Variants in ST18 observed in about 807,000 individuals in gnomAD.
ST18 encodes ST18 C2H2C-type zinc finger transcription factor.
A neutral mutation model predicts 110.0 loss-of-function variants in ST18; 50 were observed. That is an observed-to-expected ratio of 0.45 (90% confidence interval 0.36 to 0.58). ST18 has a LOEUF of 0.58. ST18 is among the 20% of genes least tolerant of loss of function. The probability of loss-of-function intolerance (pLI) is 0.00; values close to 1 mark genes in which losing one functional copy is unlikely to be tolerated. For synonymous variants in ST18, 461 were observed against 452.4 expected (o/e 1.02, Z -0.24); for missense variants, 1,306 against 1,280.1 (o/e 1.02, Z -0.31).
chr8:52,179,105 G>GA (rs1043339456), intron 9 of ST18, among the ~76,000 whole-genome samples: 2 of 152,012 alleles, frequency 1.3e-5, no homozygotes, highest in African/African-American at 2.4e-5. Flanking sequence ...TTCACATTCA[G>GA]AAAAAAATCA....
intron 2 of ST18, among the ~76,000 whole-genome samples, chr8:52,234,695 G>T (rs13439223): frequency 0.018 from 2,679 of 151,396 alleles, 76 homozygotes; most frequent in African/African-American, 0.062. Context: ...CAACCCAAAT[G>T]TCCATCAATC....
At chr8:52,250,445 C>CAAAAAAGAA (rs2094203030) in intron 2 of ST18, among the ~76,000 whole-genome samples, 1 of 4,270 alleles carries the variant, frequency 2.3e-4, no homozygotes, top group African/African-American at 9.8e-4. Context: ...GCCTCAAAGG[C>CAAAAAAGAA]AAAAAAAAAA....
At chr8:52,273,032 T>G (rs953635145) in intron 2 of ST18, among the ~76,000 whole-genome samples, 44 of 152,194 alleles carry the variant, frequency 2.9e-4, no homozygotes, top group African/African-American at 8.4e-4. Context: ...TAAAAATCTG[T>G]TAAGAGAGCA....
Position 52,330,743 on chromosome 8 carries a change from T to C in ST18, c.-465+78585A>G, listed in dbSNP as rs560991966. ...TGGGCAGGAAGTGCACAGCCTGCCT[T>C]TACCTTACGTGAACACTGTGTCTGG... On this transcript the variant is annotated intron_variant, in intron 2 of 25. Coordinates refer to ENST00000689386, the MANE Select transcript of ST18 (RefSeq NM_001352837.2). Among the ~76,000 whole-genome samples, 5 of 152,332 alleles carry C rather than the reference T, an allele frequency of 3.3e-5. No homozygotes were observed. The South Asian group carries it at 1.0e-3, about 32-fold the overall frequency.
At chr8:52,383,689 C>T (rs1835475404) in intron 2 of ST18, among the ~76,000 whole-genome samples, 1 of 152,294 alleles carries the variant, frequency 6.6e-6, no homozygotes, top group East Asian at 1.9e-4. Context: ...CCTCGTGATC[C>T]ACCCGCCTTG....
In ST18 at chr8:52,136,528, A is replaced by G. The variant is rs1368984872; in HGVS notation, c.2300+62T>C. 1.0e-5 allele frequency: 15 copies of G among 1,496,616 alleles called. No homozygotes were observed. In the East Asian group the frequency reaches 3.5e-4, roughly 35 times the overall value. The allele number at this position is 1,496,616 out of a possible 1,614,324, so 92.7% of individuals were successfully genotyped here. ...CTGATCACTTGGGCAATGAATGGGC[A>G]CTGAACGAGAGGGTCCTACCGTGTG... is the stretch of plus-strand genomic sequence containing the variant. On this transcript the variant is annotated intron_variant, in intron 19 of 25. Transcript: ENST00000689386.
At position 52,158,878 on chromosome 8, in the gene ST18, G is replaced by C; in HGVS notation, c.1806+20C>G. 1 of 1,613,690 alleles carries C rather than the reference G, an allele frequency of 6.2e-7. No individual in the cohort carries two copies. The highest frequency in any genetic ancestry group is 1.1e-5 in the South Asian group (1 of 91,026). ...CAGTTCAGTCGCTGGCCCACCCTCC[G>C]GGCTCTTGGACTGGCCTACCTTGGC... On this transcript the variant is annotated intron_variant, in intron 15 of 25. Coordinates refer to ENST00000689386, the MANE Select transcript of ST18 (RefSeq NM_001352837.2).
At chr8:52,361,869 T>A (rs1170995841) in intron 2 of ST18, among the ~76,000 whole-genome samples, 1 of 152,150 alleles carries the variant, frequency 6.6e-6, no homozygotes, top group Non-Finnish European at 1.5e-5. Flanking sequence ...TATTTCCATC[T>A]CTGCAATTCA....
At chr8:52,179,823 C>T (rs562834518) in intron 9 of ST18, among the ~76,000 whole-genome samples, 1 of 152,156 alleles carries the variant, frequency 6.6e-6, no homozygotes, top group Non-Finnish European at 1.5e-5. Context: ...AAGTACTCTT[C>T]AACTCTAAGA....
chr8:52,118,486 C>T (rs938273439), intron 23 of ST18, 45 bp from the exon 24 acceptor site: 22 of 1,152,840 alleles, frequency 1.9e-5, no homozygotes, highest in Non-Finnish European at 2.6e-5. Flanking sequence ...AAACTGTTAA[C>T]AAATGAGTCA....
intron 23 of ST18, among the ~76,000 whole-genome samples, chr8:52,123,426 T>C (rs1457100627): frequency 2.0e-5 from 3 of 152,200 alleles, no homozygotes; most frequent in Admixed American, 2.0e-4. Context: ...GTGGCCACAC[T>C]TTAAGGTAAG....
intron 16 of ST18, among the ~76,000 whole-genome samples, chr8:52,147,997 G>T (rs368212918): frequency 5.3e-5 from 8 of 152,302 alleles, no homozygotes; most frequent in Admixed American, 5.2e-4. Flanking sequence ...ATACTCGAGG[G>T]ATGTGAACAC....
chr8:52,139,322 T>TTATATA (rs58564463), intron 17 of ST18, among the ~76,000 whole-genome samples: 7 of 148,438 alleles, frequency 4.7e-5, no homozygotes, highest in South Asian at 2.1e-4. Context: ...CAGCATTGCA[T>TTATATA]TATATATATA....
At chr8:52,271,224 A>C (rs2095065214) in intron 2 of ST18, among the ~76,000 whole-genome samples, 1 of 152,208 alleles carries the variant, frequency 6.6e-6, no homozygotes, top group South Asian at 2.1e-4. Flanking sequence ...GATTTTTAAA[A>C]ATAAAAATAC....
intron 10 of ST18, among the ~76,000 whole-genome samples, chr8:52,167,716 T>C (rs2063483666): frequency 6.6e-6 from 1 of 152,064 alleles, no homozygotes; most frequent in African/African-American, 2.4e-5. Context: ...GCAGGAGACT[T>C]CCAGAAAATA....
intron 25 of ST18, among the ~76,000 whole-genome samples, chr8:52,115,806 T>C (rs1265715714): frequency 1.3e-5 from 2 of 152,124 alleles, no homozygotes; most frequent in African/African-American, 4.8e-5. Flanking sequence ...TGCTTTTTAT[T>C]TTATATGAGG....
chr8:52,372,220 T>G (rs75332424), intron 2 of ST18, among the ~76,000 whole-genome samples: 1,814 of 152,282 alleles, frequency 0.012, 45 homozygotes, highest in African/African-American at 0.042. Context: ...TTTTTAAAAT[T>G]TTTTTAAAAG....
chr8:52,216,299 A>G (rs1018444091), intron 6 of ST18, among the ~76,000 whole-genome samples: 3 of 152,202 alleles, frequency 2.0e-5, no homozygotes, highest in African/African-American at 7.2e-5. Context: ...TGGAAGGGAT[A>G]CATAAATATT....
chr8:52,235,519 A>C (rs528126628), intron 2 of ST18, among the ~76,000 whole-genome samples: 1 of 152,354 alleles, frequency 6.6e-6, no homozygotes, highest in Admixed American at 6.5e-5. Flanking sequence ...AACTATGATG[A>C]TGCCCCTGAC....
Sources: allele counts gnomAD v4.1 joint callset (sites outside exome capture counted in the v4.1 genomes callset), GRCh38; gene constraint gnomAD v4.1.1; transcripts MANE v1.5; gene names NCBI Gene and HGNC (gene_info 2026-07-23, HGNC 2026-07-21).